Variants in FAM117A observed in about 807,000 individuals in gnomAD.
FAM117A encodes the protein protein FAM117A.
FAM117A carries 21 observed loss-of-function variants against 44.1 expected under a neutral mutation model. The ratio of observed to expected loss-of-function variants is 0.48; its 90% CI spans 0.34 to 0.69. The LOEUF (loss-of-function observed/expected upper bound fraction) is 0.69. Among genes scored for constraint, FAM117A ranks in the 30% least tolerant of loss-of-function variants. The pLI, the probability that FAM117A is intolerant of heterozygous loss-of-function variation, is 0.01. For synonymous variants in FAM117A, 220 were observed against 238.3 expected, an observed-to-expected ratio of 0.92 and a Z score of 0.71; for missense variants, 498 against 589.9, an observed-to-expected ratio of 0.84 and a Z score of 1.61.
Position 49,711,304 on chromosome 17 carries a change from G to T in FAM117A, c.1313C>A (p.Thr438Asn), listed in dbSNP as rs1177910567. The T allele has an allele frequency of 1.2e-6, 2 of 1,610,276 alleles. No individual in the cohort carries two copies. The highest frequency in any genetic ancestry group is 4.5e-5 in the East Asian group (2 of 44,834). Residue 438 changes from threonine (T) to asparagine (N), a missense_variant, in exon 8 of 8, where the codon ACC becomes AAC. Around this residue, in one of 3 missense-constraint regions of FAM117A, gnomAD observed 224 missense variants for 296.5 expected, o/e 0.76. Coordinates refer to ENST00000240364, the MANE Select transcript of FAM117A (RefSeq NM_030802.4). ...SPLPFEPWQR[T>N]PPSEEPVLFQ... ...AAGCACAGGCTCTTCTGATGGTGGG[G>T]TGCGCTGCCATGGCTCGAATGGCAG...
upstream of FAM117A, chr17:49,788,660 G>A (rs1245547480): frequency 6.8e-6 from 4 of 586,610 alleles, no homozygotes; most frequent in African/African-American, 3.9e-5. Flanking sequence ...AGGAAAAAGC[G>A]CTTCAGCCCG....
chr17:49,781,875 G>C (rs921614615), intron 1 of FAM117A, among the ~76,000 whole-genome samples: 6 of 152,126 alleles, frequency 3.9e-5, no homozygotes, highest in African/African-American at 1.2e-4. Flanking sequence ...TACTTGGAAG[G>C]CTGAGCAGGA....
chr17:49,769,568 C>T (rs1426185943), intron 1 of FAM117A, among the ~76,000 whole-genome samples: 3 of 151,720 alleles, frequency 2.0e-5, no homozygotes, highest in Middle Eastern at 3.4e-3. Context: ...GGCATGGTGG[C>T]GGGCGCCTGT....
intron 1 of FAM117A, among the ~76,000 whole-genome samples, chr17:49,779,801 C>A (rs1043792757): frequency 1.3e-5 from 2 of 152,182 alleles, no homozygotes; most frequent in South Asian, 2.1e-4. Context: ...AAGAGGGTCA[C>A]AATTGTTGGA....
At chr17:49,749,215 G>A (rs940452476) in intron 1 of FAM117A, among the ~76,000 whole-genome samples, 5 of 152,028 alleles carry the variant, frequency 3.3e-5, no homozygotes, top group Admixed American at 1.3e-4. Context: ...CTCAGATCTC[G>A]ACTATATATA....
intron 1 of FAM117A, among the ~76,000 whole-genome samples, chr17:49,756,873 C>A (rs193019373): frequency 6.8e-6 from 1 of 147,690 alleles, no homozygotes; most frequent in South Asian, 2.1e-4. Flanking sequence ...GCTGAGATCA[C>A]GCCACTGCAC....
At chr17:49,721,085 A>C (rs2073532119) in intron 3 of FAM117A, among the ~76,000 whole-genome samples, 1 of 152,096 alleles carries the variant, frequency 6.6e-6, no homozygotes, top group South Asian at 2.1e-4. Context: ...ATTCACAACG[A>C]TCTTAGAGGC....
chr17:49,748,604 A>G (rs1265966306), intron 1 of FAM117A, among the ~76,000 whole-genome samples: 2 of 152,160 alleles, frequency 1.3e-5, no homozygotes, highest in Non-Finnish European at 2.9e-5. Context: ...ATTTCATACA[A>G]CTAGCTGGGC....
chr17:49,770,348 A>C (rs2073757406), intron 1 of FAM117A, among the ~76,000 whole-genome samples: 1 of 151,982 alleles, frequency 6.6e-6, no homozygotes, highest in African/African-American at 2.4e-5. Flanking sequence ...GATATTTGCT[A>C]TAGCATGAAT....
chr17:49,755,789 C>G (rs572072860), intron 1 of FAM117A, among the ~76,000 whole-genome samples: 36 of 152,220 alleles, frequency 2.4e-4, no homozygotes, highest in Admixed American at 2.0e-3. Flanking sequence ...ATGTGGGGAC[C>G]AGAAGTGGGA....
At chr17:49,712,695 T>G (rs1171132194) in intron 7 of FAM117A, among the ~76,000 whole-genome samples, 3 of 152,062 alleles carry the variant, frequency 2.0e-5, no homozygotes, top group Non-Finnish European at 4.4e-5. Context: ...ACTTTTATTT[T>G]GTAGAGAAGG....
At chr17:49,718,373 T>C (rs892496128) in intron 5 of FAM117A, among the ~76,000 whole-genome samples, 1 of 152,246 alleles carries the variant, frequency 6.6e-6, no homozygotes, top group African/African-American at 2.4e-5. Context: ...CAATATAAAA[T>C]TGTGCCTGAG....
At chr17:49,763,123 TACACACACACACACACACACACAC>T (rs10603200) in intron 1 of FAM117A, among the ~76,000 whole-genome samples, 3 of 141,068 alleles carry the variant, frequency 2.1e-5, no homozygotes, top group South Asian at 4.7e-4. Context: ...TCCCCCCCGC[TACACACACACACACACACACACAC>T]ACACACACAC....
intron 1 of FAM117A, among the ~76,000 whole-genome samples, chr17:49,763,597 CACG>C (rs2073732058): frequency 6.6e-6 from 1 of 151,694 alleles, no homozygotes; most frequent in African/African-American, 2.4e-5. Context: ...ACTCACCCCA[CACG>C]ACACCTCTGC....
chr17:49,788,620 T>A (rs747787403), upstream of FAM117A: 2 of 491,350 alleles, frequency 4.1e-6, no homozygotes, highest in Admixed American at 4.0e-5. Context: ...GCCCGTAACG[T>A]CAGGTGACGC....
chr17:49,731,632 AG>A (rs2073585391), intron 2 of FAM117A, among the ~76,000 whole-genome samples: 1 of 152,226 alleles, frequency 6.6e-6, no homozygotes, highest in African/African-American at 2.4e-5. Context: ...GCTGCTGGCA[AG>A]GAAGAATTCT....
intron 1 of FAM117A, among the ~76,000 whole-genome samples, chr17:49,774,560 A>C (rs927555545): frequency 2.0e-5 from 3 of 151,948 alleles, no homozygotes; most frequent in East Asian, 1.9e-4. Flanking sequence ...GGGTTTCACC[A>C]TGTTGGCCAG....
chr17:49,774,463 G>A (rs1198579726), intron 1 of FAM117A, among the ~76,000 whole-genome samples: 3 of 151,016 alleles, frequency 2.0e-5, no homozygotes, highest in Non-Finnish European at 2.9e-5. Context: ...GGGTTCAAGC[G>A]ATTCTCCTGT....
chr17:49,743,468 G>A (rs565585632), intron 1 of FAM117A, among the ~76,000 whole-genome samples: 3 of 152,198 alleles, frequency 2.0e-5, no homozygotes, highest in Non-Finnish European at 2.9e-5. Flanking sequence ...AGTGGCTCAC[G>A]CCTGTAATCC....
Sources: gnomAD v4.1 joint callset for allele counts (sites outside exome capture counted in the v4.1 genomes callset) on GRCh38, gnomAD v4.1.1 for gene constraint, gnomAD v4.1.1 regional missense constraint, MANE v1.5 for transcripts, NCBI Gene and HGNC (gene_info 2026-07-23, HGNC 2026-07-21) for gene names.